The following NLGN4Y variants were observed in gnomAD, a reference collection of about 807,000 sequenced individuals.
The protein encoded by NLGN4Y is neuroligin-4, Y-linked.
In NLGN4Y, 4 loss-of-function variants were observed where a neutral mutation model predicts 8.4. The observed-to-expected ratio is 0.48, with a 90% CI of 0.23 to 1.09. The LOEUF (loss-of-function observed/expected upper bound fraction) is 1.09. Among genes scored for constraint, NLGN4Y ranks in the 50% least tolerant of loss-of-function variants. The probability of loss-of-function intolerance (pLI) is 0.19; values close to 1 mark genes in which losing one functional copy is unlikely to be tolerated. For missense variants in NLGN4Y, 90 were observed against 192.3 expected (o/e 0.47, Z 3.15); for synonymous variants, 35 against 75.6 (o/e 0.46, Z 2.78).
intron 1 of NLGN4Y, among the ~76,000 whole-genome samples, chrY:14,541,421 C>T (rs2080149202): frequency 3.0e-5 from 1 of 33,310 alleles, no homozygotes. Flanking sequence ...CCTAGCAAGG[C>T]AAGCCAACAT....
intron 1 of NLGN4Y, among the ~76,000 whole-genome samples, chrY:14,528,016 C>T: frequency 3.0e-5 from 1 of 33,060 alleles, no homozygotes; most frequent in African/African-American, 1.2e-4. Context: ...AAGGCCTTCT[C>T]TCTGCAGGTG....
chrY:14,615,909 T>C, intron 1 of NLGN4Y, among the ~76,000 whole-genome samples: 1 of 33,704 alleles, frequency 3.0e-5, no homozygotes, highest in African/African-American at 1.2e-4. Context: ...AAATTCTCTT[T>C]TTTGTTGTTG....
intron 4 of NLGN4Y, among the ~76,000 whole-genome samples, chrY:14,779,483 C>T (rs752970090): frequency 7.1e-4 from 23 of 32,612 alleles, no homozygotes; most frequent in African/African-American, 2.8e-3. Context: ...TAGGGGTATG[C>T]AAAACCTGAG....
At chrY:14,732,368 T>C in intron 4 of NLGN4Y, among the ~76,000 whole-genome samples, 1 of 33,659 alleles carries the variant, frequency 3.0e-5, no homozygotes, top group East Asian at 8.1e-4. Flanking sequence ...GTTATATTGA[T>C]GACAGTTGGC....
At chrY:14,704,714 T>A in intron 2 of NLGN4Y, among the ~76,000 whole-genome samples, 3 of 33,236 alleles carry the variant, frequency 9.0e-5, no homozygotes, top group African/African-American at 3.5e-4. Context: ...TTCTATTGAT[T>A]GGAATAGTTT....
intron 1 of NLGN4Y, among the ~76,000 whole-genome samples, chrY:14,572,510 C>T (rs867479166): frequency 9.1e-4 from 29 of 31,831 alleles, no homozygotes; most frequent in South Asian, 3.7e-3. Context: ...AGGATGATGG[C>T]GTTTTCTAGA....
intron 2 of NLGN4Y, among the ~76,000 whole-genome samples, chrY:14,642,032 T>C: frequency 2.9e-5 from 1 of 34,098 alleles, no homozygotes; most frequent in Non-Finnish European, 7.3e-5. Flanking sequence ...TTGGTTTCCA[T>C]GCTTTGATGA....
chrY:14,645,460 C>G, intron 2 of NLGN4Y, among the ~76,000 whole-genome samples: 1 of 30,412 alleles, frequency 3.3e-5, no homozygotes, highest in Non-Finnish European at 7.8e-5. Context: ...GTGTGAGCCA[C>G]CGCACCTGGC....
chrY:14,556,986 A>T (rs2080212411), intron 1 of NLGN4Y, among the ~76,000 whole-genome samples: 1 of 33,670 alleles, frequency 3.0e-5, no homozygotes, highest in South Asian at 6.5e-4. Flanking sequence ...AGCTAGTTAA[A>T]ATTAGGAGCA....
chrY:14,806,408 A>G, intron 4 of NLGN4Y, among the ~76,000 whole-genome samples: 3 of 32,070 alleles, frequency 9.4e-5, no homozygotes, highest in Non-Finnish European at 1.5e-4. Flanking sequence ...ATGTATACAT[A>G]CATATATACA....
intron 1 of NLGN4Y, among the ~76,000 whole-genome samples, chrY:14,592,844 G>A (rs2080378101): frequency 3.0e-5 from 1 of 33,118 alleles, no homozygotes; most frequent in Non-Finnish European, 7.4e-5. Context: ...AGAAAAGGTC[G>A]CCCATACAGC....
chrY:14,702,385 T>A, intron 2 of NLGN4Y, among the ~76,000 whole-genome samples: 1 of 31,833 alleles, frequency 3.1e-5, no homozygotes, highest in Non-Finnish European at 7.6e-5. Flanking sequence ...ATTGTTCAGT[T>A]CCCACCTGTG....
chrY:14,706,963 G>A, intron 2 of NLGN4Y, among the ~76,000 whole-genome samples: 1 of 21,614 alleles, frequency 4.6e-5, no homozygotes, highest in Non-Finnish European at 1.0e-4. Context: ...ACACACATAT[G>A]TGTATATATA....
At chrY:14,607,475 G>A (rs2080450898) in intron 1 of NLGN4Y, among the ~76,000 whole-genome samples, 1 of 32,912 alleles carries the variant, frequency 3.0e-5, no homozygotes, top group Non-Finnish European at 7.5e-5. Flanking sequence ...GAGAACATGT[G>A]GTTTTTGCTT....
intron 2 of NLGN4Y, among the ~76,000 whole-genome samples, chrY:14,650,382 C>T: frequency 3.0e-5 from 1 of 33,471 alleles, no homozygotes; most frequent in Non-Finnish European, 7.4e-5. Flanking sequence ...CACTGGCTCC[C>T]GTCTATTATG....
chrY:14,604,325 C>T (rs564859270), intron 1 of NLGN4Y, among the ~76,000 whole-genome samples: 1 of 32,818 alleles, frequency 3.0e-5, no homozygotes, highest in Admixed American at 2.8e-4. Flanking sequence ...CCCGCCCCAA[C>T]GACACTCACC....
intron 2 of NLGN4Y, among the ~76,000 whole-genome samples, chrY:14,674,042 G>A (rs2080736513): frequency 3.3e-5 from 1 of 29,943 alleles, no homozygotes; most frequent in Non-Finnish European, 7.9e-5. Flanking sequence ...TGGTGGGGTG[G>A]GGGGAGAGGG....
intron 1 of NLGN4Y, among the ~76,000 whole-genome samples, chrY:14,542,747 A>G (rs2080154196): frequency 3.0e-5 from 1 of 33,350 alleles, no homozygotes; most frequent in Non-Finnish European, 7.4e-5. Context: ...CCCATCAGTG[A>G]TAGACTAGAT....
At chrY:14,596,483 T>C (rs2150494875) in intron 1 of NLGN4Y, among the ~76,000 whole-genome samples, 1 of 33,282 alleles carries the variant, frequency 3.0e-5, no homozygotes, top group Admixed American at 2.7e-4. Flanking sequence ...GATAGGCGAG[T>C]CTCGCTTGGG....
Sources: gnomAD v4.1 joint callset for allele counts (sites outside exome capture counted in the v4.1 genomes callset) on GRCh38, gnomAD v4.1.1 for gene constraint, MANE v1.5 for transcripts, NCBI Gene and HGNC (gene_info 2026-07-23, HGNC 2026-07-21) for gene names.